The following CRPPA variants were observed in gnomAD, a reference collection of about 807,000 sequenced individuals.
CRPPA encodes CDP-L-ribitol pyrophosphorylase A, also known as D-ribitol-5-phosphate cytidylyltransferase.
In CRPPA, 43 loss-of-function variants were observed where a neutral mutation model predicts 52.0. The observed-to-expected ratio is 0.83, with a 90% CI of 0.65 to 1.07. The LOEUF is 1.07. Among genes scored for constraint, CRPPA ranks in the 50% least tolerant of loss-of-function variants. CRPPA has a pLI of 0.00. For synonymous variants in CRPPA, 250 were observed against 203.5 expected (o/e 1.23, Z -1.94); for missense variants, 629 against 551.7 (o/e 1.14, Z -1.40).
chr7:16,286,249 G>A (rs1193358978), intron 5 of CRPPA, among the ~76,000 whole-genome samples: 1 of 150,880 alleles, frequency 6.6e-6, no homozygotes, highest in African/African-American at 2.4e-5. Context: ...GTTTTGGGAT[G>A]AGATTAATAT....
intron 9 of CRPPA, among the ~76,000 whole-genome samples, chr7:16,144,981 C>T (rs1252287451): frequency 1.3e-5 from 2 of 152,150 alleles, no homozygotes; most frequent in Non-Finnish European, 2.9e-5. Context: ...CCAACTTTAA[C>T]CTCTGAAGTA....
intron 9 of CRPPA, among the ~76,000 whole-genome samples, chr7:16,123,244 T>C (rs1045622860): frequency 2.0e-5 from 3 of 152,150 alleles, no homozygotes; most frequent in African/African-American, 7.2e-5. Context: ...GTGCTCATTT[T>C]TCTTCCCTTC....
rs572846937 is a variant in CRPPA, at chr7:16,380,774, T to G, written c.535-4533A>C. Among the ~76,000 whole-genome samples the G allele has an allele frequency of 3.2e-3, 485 of 152,280 alleles. 1 individual carries two copies. The highest frequency in any genetic ancestry group is 0.011 in the African/African-American group (467 of 41,580). ...TTCTTCTAGATTTTCTAGTTTATTTTCCTAGAGGTGTTTGAGGTATTCTCT... is the reference window on the plus strand; with the variant it reads ...TTCTTCTAGATTTTCTAGTTTATTTGCCTAGAGGTGTTTGAGGTATTCTCT... On this transcript the variant is annotated intron_variant, in intron 2 of 9. Coordinates refer to ENST00000407010, the MANE Select transcript of CRPPA (RefSeq NM_001101426.4).
At chr7:16,242,080 G>T (rs1014539142) in intron 8 of CRPPA, among the ~76,000 whole-genome samples, 7 of 148,922 alleles carry the variant, frequency 4.7e-5, no homozygotes, top group Non-Finnish European at 8.9e-5. Context: ...CTTCTGAGTA[G>T]CTGGGATGGA....
chr7:16,234,480 T>C (rs1782886785), intron 8 of CRPPA, among the ~76,000 whole-genome samples: 1 of 152,122 alleles, frequency 6.6e-6, no homozygotes, highest in Non-Finnish European at 1.5e-5. Flanking sequence ...AATTTTTTAA[T>C]TGAATTCTAC....
At chr7:16,101,857 A>G (rs1458071473) in intron 9 of CRPPA, among the ~76,000 whole-genome samples, 3 of 152,218 alleles carry the variant, frequency 2.0e-5, no homozygotes, top group Non-Finnish European at 4.4e-5. Flanking sequence ...GGAAGAACCA[A>G]TAACATGAAA....
chr7:16,333,008 A>G (rs567635413), intron 3 of CRPPA, among the ~76,000 whole-genome samples: 1 of 152,210 alleles, frequency 6.6e-6, no homozygotes, highest in Non-Finnish European at 1.5e-5. Context: ...ATTCAGCACA[A>G]TGAGAATTAT....
intron 9 of CRPPA, among the ~76,000 whole-genome samples, chr7:16,181,291 GA>G (rs1781407970): frequency 6.6e-6 from 1 of 151,770 alleles, no homozygotes; most frequent in Non-Finnish European, 1.5e-5. Flanking sequence ...ATAAACCTTT[GA>G]AAACTACTTC....
Position 16,203,209 on chromosome 7 carries a change from A to G in CRPPA, c.1251+12857T>C, listed in dbSNP as rs562329618. ...TCTTTATCTTACTTATTTGCTAAAG[A>G]GGAAAGCTGCCAAAAATAATAAACA... On this transcript the variant is annotated intron_variant, in intron 9 of 9. Transcript: ENST00000407010. Among the ~76,000 whole-genome samples the G allele has an allele frequency of 5.9e-5, 9 of 152,328 alleles. No individual in the cohort carries two copies. The South Asian group carries it at 1.9e-3, about 32-fold the overall frequency.
chr7:16,392,562 G>A (rs1787473071), intron 2 of CRPPA, among the ~76,000 whole-genome samples: 1 of 152,100 alleles, frequency 6.6e-6, no homozygotes, highest in Non-Finnish European at 1.5e-5. Context: ...GTGGGAGGGA[G>A]AGGGTAGATG....
At chr7:16,340,249 A>G (rs10232508) in intron 3 of CRPPA, among the ~76,000 whole-genome samples, 70,588 of 151,778 alleles carry the variant, frequency 0.47, 16,551 homozygotes, top group South Asian at 0.56. Flanking sequence ...TTGGTACACT[A>G]TACTAAATAA....
chr7:16,314,878 C>G (rs1190323122), intron 3 of CRPPA, among the ~76,000 whole-genome samples: 1 of 152,002 alleles, frequency 6.6e-6, no homozygotes, highest in African/African-American at 2.4e-5. Context: ...GGAATTTATA[C>G]AGTCTGGTAT....
chr7:16,127,215 A>C (rs1224777860), intron 9 of CRPPA, among the ~76,000 whole-genome samples: 1 of 152,174 alleles, frequency 6.6e-6, no homozygotes, highest in Non-Finnish European at 1.5e-5. Context: ...CTATGAAAAC[A>C]AACAAAAACT....
intron 9 of CRPPA, among the ~76,000 whole-genome samples, chr7:16,156,747 T>C (rs1205907996): frequency 6.6e-6 from 1 of 152,214 alleles, no homozygotes; most frequent in African/African-American, 2.4e-5. Flanking sequence ...TAATAGCATA[T>C]CTTAAGAAAC....
intron 3 of CRPPA, among the ~76,000 whole-genome samples, chr7:16,368,993 A>C (rs1342417151): frequency 6.6e-6 from 1 of 152,196 alleles, no homozygotes; most frequent in Non-Finnish European, 1.5e-5. Context: ...ATACACATGA[A>C]ATTCATCCAG....
At chr7:16,186,055 A>G (rs1242507541) in intron 9 of CRPPA, among the ~76,000 whole-genome samples, 1 of 152,230 alleles carries the variant, frequency 6.6e-6, no homozygotes, top group African/African-American at 2.4e-5. Context: ...AAAGTCCTCC[A>G]GGACATACAA....
Position 16,406,219 on chromosome 7 carries a change from G to A in CRPPA, c.376C>T (p.Arg126Cys), listed in dbSNP as rs1472549168. Residue 126 changes from arginine to cysteine, a missense_variant, in exon 2 of 10, where the codon CGC becomes TGC. Physicochemically the swap from Arg to Cys is radical, Grantham distance 180. Coordinates refer to ENST00000407010, the MANE Select transcript of CRPPA (RefSeq NM_001101426.4). The part of the protein sequence containing the change: ...RISLVEAGVT[R>C]HRSIFNGLKA... ...AGTCCATTGAAAATTGACCTGTGGC[G>A]GGTCACTCCAGCTTCGACCAGTGAG... 1.2e-5 allele frequency: 19 copies of A among 1,613,910 alleles called. No individual in the cohort carries two copies. The highest frequency in any genetic ancestry group is 2.7e-5 in the African/African-American group (2 of 75,034).
intron 5 of CRPPA, among the ~76,000 whole-genome samples, chr7:16,286,548 T>C (rs1040212635): frequency 6.0e-5 from 8 of 132,348 alleles, no homozygotes; most frequent in African/African-American, 1.8e-4. Flanking sequence ...AATCAACTTA[T>C]ACCTTACTCA....
At chr7:16,260,502 TTG>T (rs767359699) in intron 6 of CRPPA, among the ~76,000 whole-genome samples, 6 of 152,074 alleles carry the variant, frequency 3.9e-5, no homozygotes, top group South Asian at 2.1e-4. Context: ...TGCTACATTT[TTG>T]TTCTTGCTAC....
Sources: allele counts gnomAD v4.1 joint callset (sites outside exome capture counted in the v4.1 genomes callset), GRCh38; gene constraint gnomAD v4.1.1; transcripts MANE v1.5; gene names NCBI Gene and HGNC (gene_info 2026-07-23, HGNC 2026-07-21).